Variants in FRMD4B observed in about 807,000 individuals in gnomAD.
The protein encoded by FRMD4B is FERM domain containing 4B.
FRMD4B carries 74 observed loss-of-function variants against 141.5 expected under a neutral mutation model. That is an observed-to-expected ratio of 0.52 (90% CI 0.43 to 0.63). The LOEUF is 0.63. FRMD4B is among the 30% of genes least tolerant of loss of function. FRMD4B has a pLI of 0.00. For missense variants in FRMD4B, 1,366 were observed against 1,253.4 expected (o/e 1.09, Z -1.36); for synonymous variants, 506 against 467.9 (o/e 1.08, Z -1.05).
chr3:69,476,635 C>A (rs140814819), intron 1 of FRMD4B, among the ~76,000 whole-genome samples: 1 of 152,214 alleles, frequency 6.6e-6, no homozygotes, highest in African/African-American at 2.4e-5. Flanking sequence ...AGTCAGGTAG[C>A]GTGATGCCTC....
At chr3:69,308,933 G>C (rs1426707544) in intron 3 of FRMD4B, among the ~76,000 whole-genome samples, 1 of 151,944 alleles carries the variant, frequency 6.6e-6, no homozygotes, top group Non-Finnish European at 1.5e-5. Flanking sequence ...TCTTGGTCAT[G>C]GCCTTTTATG....
chr3:69,307,643 A>G (rs556615116), intron 3 of FRMD4B, among the ~76,000 whole-genome samples: 7 of 152,096 alleles, frequency 4.6e-5, no homozygotes, highest in Admixed American at 2.6e-4. Context: ...CCGGCCTACT[A>G]TTTCTTTTCT....
intron 1 of FRMD4B, among the ~76,000 whole-genome samples, chr3:69,321,259 A>C (rs1339156807): frequency 6.6e-6 from 1 of 152,148 alleles, no homozygotes; most frequent in African/African-American, 2.4e-5. Context: ...AAATAGCTAC[A>C]AAAAAAGACC....
intron 11 of FRMD4B, among the ~76,000 whole-genome samples, chr3:69,199,441 T>C (rs73835783): frequency 0.032 from 4,851 of 152,334 alleles, 252 homozygotes; most frequent in African/African-American, 0.1. Flanking sequence ...CATAGTTAAA[T>C]GGAAAGATAT....
chr3:69,265,127 C>T (rs376985095), intron 5 of FRMD4B, among the ~76,000 whole-genome samples: 67 of 149,018 alleles, frequency 4.5e-4, no homozygotes, highest in African/African-American at 1.6e-3. Context: ...CAGTGGTGGG[C>T]GCCTGTAGTC....
chr3:69,400,211 T>G (rs1704538278), intron 2 of FRMD4B, among the ~76,000 whole-genome samples: 1 of 150,456 alleles, frequency 6.6e-6, no homozygotes, highest in African/African-American at 2.5e-5. Flanking sequence ...CATACTGAGA[T>G]TCTGTCTTCA....
At chr3:69,472,217 T>C in intron 1 of FRMD4B, 1 of 301,684 alleles carries the variant, frequency 3.3e-6, no homozygotes, top group South Asian at 4.0e-5. Flanking sequence ...CTGAAGATCT[T>C]GTGACTAAAA....
intron 1 of FRMD4B, among the ~76,000 whole-genome samples, chr3:69,440,119 G>C (rs1705321630): frequency 6.6e-6 from 1 of 152,126 alleles, no homozygotes. Flanking sequence ...TGACTTTTGA[G>C]ACTCTAGTTT....
intron 14 of FRMD4B, 38 bp from the exon 15 acceptor site, chr3:69,195,402 G>A (rs763485762): frequency 6.5e-7 from 1 of 1,547,696 alleles, no homozygotes; most frequent in Admixed American, 2.2e-5. Flanking sequence ...GTTTATACAA[G>A]GGATGTTTCC....
chr3:69,310,969 C>G (rs908088676), intron 3 of FRMD4B, among the ~76,000 whole-genome samples: 1 of 152,118 alleles, frequency 6.6e-6, no homozygotes. Flanking sequence ...AATTAGCAAG[C>G]ACAATCACAT....
chr3:69,209,217 G>A (rs2093053045), intron 11 of FRMD4B, among the ~76,000 whole-genome samples: 1 of 151,308 alleles, frequency 6.6e-6, no homozygotes. Context: ...ATACCACCCA[G>A]CTGCCCTTGC....
chr3:69,264,162 A>C (rs2093546300), intron 5 of FRMD4B, among the ~76,000 whole-genome samples: 1 of 152,168 alleles, frequency 6.6e-6, no homozygotes, highest in Non-Finnish European at 1.5e-5. Context: ...GCAGTGAGCA[A>C]TCTGCACAAC....
At chr3:69,185,232 C>T (rs1370103603) in intron 19 of FRMD4B, among the ~76,000 whole-genome samples, 2 of 145,850 alleles carry the variant, frequency 1.4e-5, no homozygotes, top group Non-Finnish European at 3.0e-5. Context: ...ACCTGGGAGG[C>T]GGAGCTTGCA....
intron 2 of FRMD4B, among the ~76,000 whole-genome samples, chr3:69,399,828 A>T (rs1404196924): frequency 6.6e-6 from 1 of 152,164 alleles, no homozygotes; most frequent in Non-Finnish European, 1.5e-5. Context: ...CTAAGGCTTG[A>T]TTTTGACACC....
chr3:69,380,230 C>G (rs1704079515), intron 1 of FRMD4B, among the ~76,000 whole-genome samples: 1 of 152,180 alleles, frequency 6.6e-6, no homozygotes, highest in Admixed American at 6.5e-5. Flanking sequence ...GTGTGGAACA[C>G]AGTCCAAATA....
chr3:69,322,619 C>T (rs1429264673), intron 1 of FRMD4B, among the ~76,000 whole-genome samples: 2 of 122,170 alleles, frequency 1.6e-5, no homozygotes, highest in Non-Finnish European at 3.2e-5. Flanking sequence ...TTTTTTGAGA[C>T]AGGGTCTTGC....
chr3:69,344,416 T>G (rs1330939636), intron 1 of FRMD4B, among the ~76,000 whole-genome samples: 1 of 152,124 alleles, frequency 6.6e-6, no homozygotes, highest in African/African-American at 2.4e-5. Flanking sequence ...CAGTGACAGA[T>G]AGAGCTGTAA....
intron 1 of FRMD4B, among the ~76,000 whole-genome samples, chr3:69,349,911 T>G (rs1230241678): frequency 1.3e-5 from 2 of 152,120 alleles, no homozygotes. Flanking sequence ...GACATAGGCA[T>G]GGGCAAGGAC....
chr3:69,429,049 GC>G (rs1360367157), intron 2 of FRMD4B, among the ~76,000 whole-genome samples: 1 of 152,148 alleles, frequency 6.6e-6, no homozygotes, highest in African/African-American at 2.4e-5. Flanking sequence ...CATTTTGGCA[GC>G]TTTTTTCCCT....
Sources: gnomAD v4.1 joint callset for allele counts (sites outside exome capture counted in the v4.1 genomes callset) on GRCh38, gnomAD v4.1.1 for gene constraint, MANE v1.5 for transcripts, NCBI Gene and HGNC (gene_info 2026-07-23, HGNC 2026-07-21) for gene names.